PSD4: variants seen among roughly 807,000 people sequenced by gnomAD.
PSD4 encodes the protein pleckstrin and Sec7 domain containing 4.
In PSD4, 59 loss-of-function variants were observed where a neutral mutation model predicts 112.5. The observed-to-expected ratio is 0.52, with a 90% CI of 0.43 to 0.65. The LOEUF (loss-of-function observed/expected upper bound fraction) is 0.65. PSD4 is among the 30% of genes least tolerant of loss of function. The pLI is 0.00. For synonymous variants in PSD4, 533 were observed against 540.0 expected, an observed-to-expected ratio of 0.99 and a Z score of 0.18; for missense variants, 1,267 against 1,352.6, an observed-to-expected ratio of 0.94 and a Z score of 0.99.
At position 113,185,438 on chromosome 2, in the gene PSD4, G is replaced by A. The variant is rs746111279; in HGVS notation, c.1247G>A (p.Arg416Lys). 3.1e-6 allele frequency: 5 copies of A among 1,614,216 alleles called. No homozygotes were observed. The highest frequency in any genetic ancestry group is 4.2e-6 in the Non-Finnish European group (5 of 1,180,040). The change falls in exon 4 of 17, where the codon AGA (arginine) becomes AAA (lysine). Residue 416 changes from arginine to lysine, a missense_variant and splice_region_variant. Physicochemically the swap from Arg to Lys is conservative, Grantham distance 26. Transcript: ENST00000245796. ...CAGGTGACTCTTAACTCCCAGGACA[G>A]AGGTGAGCCCTAATAAGGGGGTTTG... ...WPQVTLNSQD[R>K]DEREGGHPQE...
At position 113,199,241 on chromosome 2, in the gene PSD4, C is replaced by T; in HGVS notation, c.2913+15C>T. The T allele has an allele frequency of 3.4e-6, 5 of 1,463,110 alleles. No homozygotes were observed. Among genetic ancestry groups the T allele is most frequent in the Non-Finnish European group, 4.5e-6 (5 of 1,112,432 alleles). 90.6% of individuals were successfully genotyped at this position (1,463,110 alleles called of 1,614,324 possible). A position where few individuals can be genotyped will look rare whatever the true frequency, so the allele number is the denominator to read the frequency against. ...TGGAGTACGAGGTGAGCGGCCGAGC[C>T]CACCTCCCCGCCGCTGCGCAGCGCC... On this transcript the variant is annotated intron_variant, in intron 16 of 16. Transcript: ENST00000245796.
chr2:113,207,133 A>C lies in PSD4; in HGVS notation c.*5718A>C, dbSNP rs1474615504. On this transcript the variant is annotated 3_prime_UTR_variant, in exon 17 of 17. Transcript: ENST00000245796. The stretch of plus-strand genomic sequence containing the variant: ...TGACTCTCTGCTTCCTGGAAGTTTC[A>C]AACTCAAATCCAGGAATAGTCTCCT... The C allele has an allele frequency of 6.6e-6, 1 of 152,168 alleles. No homozygotes were observed. Among genetic ancestry groups the C allele is most frequent in the Non-Finnish European group, 1.5e-5 (1 of 68,040 alleles). 9.4% of individuals were successfully genotyped at this position (152,168 alleles called of 1,614,324 possible).
intron 4 of PSD4, 38 bp downstream of exon 4, chr2:113,185,478 G>T (rs752196720): frequency 1.2e-6 from 2 of 1,613,888 alleles, no homozygotes; most frequent in East Asian, 2.2e-5. Flanking sequence ...ATTGGGTCCT[G>T]GGAGGATTTG....
Position 113,185,872 on chromosome 2 carries a change from C to T in PSD4, c.1250-5C>T. 5.6e-6 allele frequency: 9 copies of T among 1,608,078 alleles called. No individual in the cohort carries two copies. Among genetic ancestry groups the T allele is most frequent in the Non-Finnish European group, 7.6e-6 (9 of 1,177,250 alleles). ...GTGCCCGCCTCACTTCATGTTCTTC[C>T]TCAGATGAGAGGGAGGGTGGACACC... is the stretch of plus-strand genomic sequence containing the variant. On this transcript the variant is annotated splice_polypyrimidine_tract_variant and splice_region_variant and intron_variant, in intron 4 of 16. Transcript: ENST00000245796.
intron 10 of PSD4, among the ~76,000 whole-genome samples, chr2:113,194,749 CAT>C (rs1363152573): frequency 6.6e-6 from 1 of 152,210 alleles, no homozygotes; most frequent in Non-Finnish European, 1.5e-5. Flanking sequence ...ACAATAAACA[CAT>C]GATAGAAAAG....
At chr2:113,188,788 T>TA (rs1189561837) in intron 5 of PSD4, among the ~76,000 whole-genome samples, 1 of 152,118 alleles carries the variant, frequency 6.6e-6, no homozygotes, top group Non-Finnish European at 1.5e-5. Context: ...CCCCGTGGTC[T>TA]TGATCTCCTG....
intron 1 of PSD4, among the ~76,000 whole-genome samples, chr2:113,177,445 G>A (rs1246309604): frequency 2.0e-5 from 3 of 152,312 alleles, no homozygotes; most frequent in African/African-American, 7.2e-5. Flanking sequence ...GCGCTGTACA[G>A]GAGTTTGAGT....
chr2:113,193,188 A>C (rs1688504984), intron 7 of PSD4, 60 bp downstream of exon 7: 3 of 1,602,230 alleles, frequency 1.9e-6, no homozygotes, highest in South Asian at 2.2e-5. Flanking sequence ...CAGTGGCACC[A>C]GCCTGAGGCT....
intron 14 of PSD4, chr2:113,198,176 C>CA (rs1688665073): frequency 2.3e-6 from 1 of 430,530 alleles, no homozygotes; most frequent in African/African-American, 2.0e-5. Flanking sequence ...TAAAGCCTCC[C>CA]AGTTCAGAAC....
rs1688789566 is a variant in PSD4 at position 113,202,006 on chromosome 2, T to C, written c.*591T>C. ...GCAGGGTCGCTAAGGTCCTGCCCAC[T>C]GAGGGGACAGCCTTCTGGGCAGGGA... is the stretch of plus-strand genomic sequence containing the variant. On this transcript the variant is annotated 3_prime_UTR_variant, in exon 17 of 17. Transcript: ENST00000245796. 1 of 153,550 alleles carries C rather than the reference T, an allele frequency of 6.5e-6. No individual in the cohort carries two copies. Among genetic ancestry groups the C allele is most frequent in the Admixed American group, 6.5e-5 (1 of 15,488 alleles). The allele number at this position is 153,550 out of a possible 1,614,324, so 9.5% of individuals were successfully genotyped here.
rs1415850122 is a variant in PSD4 at position 113,201,400 on chromosome 2, C to T, written c.3156C>T (p.Asn1052=). Residue 1052 remains asparagine (N), a synonymous_variant, in exon 17 of 17, where the codon AAC becomes AAT. Coordinates refer to ENST00000245796, the MANE Select transcript of PSD4 (RefSeq NM_012455.3). The stretch of plus-strand genomic sequence containing the variant: ...ACCGGAAGATCATCCCTAAGCGGAA[C>T]CGCAATCAGCTGTGAAGCCAGCACC... The part of the protein sequence containing the change: ...RTYRKIIPKR[N]RNQL 1.2e-6 allele frequency: 2 copies of T among 1,613,908 alleles called. No homozygotes were observed. Among genetic ancestry groups the T allele is most frequent in the South Asian group, 1.1e-5 (1 of 91,080 alleles).
At chr2:113,178,409 G>T (rs1474821070) in intron 1 of PSD4, among the ~76,000 whole-genome samples, 2 of 151,444 alleles carry the variant, frequency 1.3e-5, no homozygotes, top group Non-Finnish European at 2.9e-5. Flanking sequence ...GAAAGCTGCT[G>T]CAGCCTCTGG....
At position 113,182,524 on chromosome 2, in the gene PSD4, A is replaced by G. The variant is rs1018107348; in HGVS notation, c.68A>G (p.Asp23Gly). 4 of 1,614,040 alleles carry G rather than the reference A, an allele frequency of 2.5e-6. No homozygotes were observed. In the East Asian group the frequency reaches 6.7e-5, roughly 27 times the overall value. ...PMEILNLYLG[D>G]SLEPHPGECP... The stretch of plus-strand genomic sequence containing the variant: ...GAAATTCTCAACCTGTACTTGGGAG[A>G]CAGCCTGGAGCCCCACCCAGGAGAG... Residue 23 changes from aspartate to glycine, a missense_variant, in exon 2 of 17, where the codon GAC (aspartate) becomes GGC (glycine). Transcript: ENST00000245796.
chr2:113,185,646 G>T (rs747041654), intron 4 of PSD4: 2 of 1,547,488 alleles, frequency 1.3e-6, no homozygotes, highest in African/African-American at 1.4e-5. Context: ...CTTACCGCTG[G>T]GTCTTAATGG....
At chr2:113,191,173 G>A (rs1288807985) in intron 5 of PSD4, among the ~76,000 whole-genome samples, 1 of 152,240 alleles carries the variant, frequency 6.6e-6, no homozygotes, top group Non-Finnish European at 1.5e-5. Flanking sequence ...AAGACCTTGT[G>A]ATGGGCATGG....
At position 113,186,044 on chromosome 2, in the gene PSD4, C is replaced by G. The variant is rs1688291094; in HGVS notation, c.1417C>G (p.Gln473Glu). ...GTCCCAGGAGGGCAGCCCGCAGCTT[C>G]AACACCACAGCTCAGGCATTTTGCC... is the stretch of plus-strand genomic sequence containing the variant. The part of the protein sequence containing the change: ...ASSQEGSPQL[Q>E]HHSSGILPKW... The change falls in exon 5 of 17, where the codon CAA becomes GAA. Residue 473 changes from glutamine to glutamate, a missense_variant. Gln to Glu is a conservative substitution (Grantham distance 29). This residue lies in a region of PSD4 where 723 missense variants were observed against 704.0 expected (regional missense o/e 1.03). Transcript: ENST00000245796. 1 of 1,614,258 alleles carries G rather than the reference C, an allele frequency of 6.2e-7. No individual in the cohort carries two copies. The highest frequency in any genetic ancestry group is 8.5e-7 in the Non-Finnish European group (1 of 1,180,046).
intron 10 of PSD4, 28 bp downstream of exon 10, chr2:113,193,976 C>A: frequency 6.2e-7 from 1 of 1,601,766 alleles, no homozygotes; most frequent in East Asian, 2.2e-5. Context: ...TTCTTATGAG[C>A]CTCATGTAGG....
intron 16 of PSD4, among the ~76,000 whole-genome samples, chr2:113,199,944 G>T (rs1344596844): frequency 6.6e-6 from 1 of 152,150 alleles, no homozygotes; most frequent in African/African-American, 2.4e-5. Context: ...TCCTGCCTCA[G>T]CCTCCCGAGT....
At chr2:113,195,910 C>G in intron 11 of PSD4, 140 bp downstream of exon 11, 1 of 1,278,680 alleles carries the variant, frequency 7.8e-7, no homozygotes, top group East Asian at 2.4e-5. Context: ...AGGCAGGGCT[C>G]TGGGGAGAGA....
Sources: allele counts gnomAD v4.1 joint callset (sites outside exome capture counted in the v4.1 genomes callset), GRCh38; gene constraint gnomAD v4.1.1; regional missense constraint gnomAD v4.1.1; transcripts MANE v1.5; gene names NCBI Gene and HGNC (gene_info 2026-07-23, HGNC 2026-07-21).